The following AOPEP variants were observed in gnomAD, a reference collection of about 807,000 sequenced individuals.
AOPEP encodes the protein aminopeptidase O (putative), also known as aminopeptidase O.
AOPEP carries 77 observed loss-of-function variants against 98.1 expected under a neutral mutation model. That is an observed-to-expected ratio of 0.78 (90% CI 0.65 to 0.95). The LOEUF is 0.95. Ranked by LOEUF, AOPEP falls within the 40% of genes least tolerant of loss-of-function variation. The probability of loss-of-function intolerance (pLI) is 0.00; values close to 1 mark genes in which losing one functional copy is unlikely to be tolerated. For synonymous variants in AOPEP, 346 were observed against 365.3 expected, an observed-to-expected ratio of 0.95 and a Z score of 0.60; for missense variants, 1,024 against 1,024.7, an observed-to-expected ratio of 1.00 and a Z score of 0.01.
chr9:94,798,740 A>G (rs1847587295), intron 4 of AOPEP, among the ~76,000 whole-genome samples: 1 of 152,254 alleles, frequency 6.6e-6, no homozygotes, highest in Admixed American at 6.5e-5. Context: ...AGCACATTAT[A>G]TACCTGTGTA....
intron 5 of AOPEP, among the ~76,000 whole-genome samples, chr9:94,921,046 G>GA (rs2053537074): frequency 7.1e-6 from 1 of 140,444 alleles, no homozygotes; most frequent in Non-Finnish European, 1.5e-5. Flanking sequence ...TCTTATTTGG[G>GA]AAAAATAATC....
chr9:94,927,941 C>T (rs977329030), intron 6 of AOPEP, among the ~76,000 whole-genome samples: 67 of 152,288 alleles, frequency 4.4e-4, no homozygotes, highest in African/African-American at 1.6e-3. Flanking sequence ...AGAGTGAGTC[C>T]AGGCAGCACT....
At chr9:94,871,274 A>G (rs565911068) in intron 5 of AOPEP, among the ~76,000 whole-genome samples, 56 of 152,338 alleles carry the variant, frequency 3.7e-4, no homozygotes, top group African/African-American at 1.2e-3. Flanking sequence ...TGATCACTTT[A>G]TCTACAGGCC....
intron 5 of AOPEP, among the ~76,000 whole-genome samples, chr9:94,821,271 A>G (rs1349854747): frequency 6.6e-6 from 1 of 152,102 alleles, no homozygotes; most frequent in Non-Finnish European, 1.5e-5. Flanking sequence ...TAGAGCGTTC[A>G]CCCCACAGTT....
the AOPEP span, among the ~76,000 whole-genome samples, chr9:95,103,469 A>G: frequency 2.0e-5 from 3 of 152,056 alleles, no homozygotes; most frequent in African/African-American, 2.4e-5. Flanking sequence ...AGGAGGCAGG[A>G]GAAGGAGAAG....
chr9:94,861,700 C>A (rs1018129603), intron 5 of AOPEP, among the ~76,000 whole-genome samples: 1 of 152,198 alleles, frequency 6.6e-6, no homozygotes, highest in African/African-American at 2.4e-5. Flanking sequence ...ATGTTATTTA[C>A]TGTTCCCAAC....
At chr9:94,853,527 A>G (rs372636351) in intron 5 of AOPEP, among the ~76,000 whole-genome samples, 3 of 152,192 alleles carry the variant, frequency 2.0e-5, no homozygotes, top group Admixed American at 1.3e-4. Flanking sequence ...CTGTCCTTTT[A>G]TCAGATGGTG....
At chr9:94,791,381 T>C (rs1292080724) in intron 3 of AOPEP, among the ~76,000 whole-genome samples, 1 of 151,780 alleles carries the variant, frequency 6.6e-6, no homozygotes, top group Non-Finnish European at 1.5e-5. Flanking sequence ...AAAAACTACC[T>C]ATCAGGCTGG....
chr9:95,076,832 G>C (rs2134163298), intron 14 of AOPEP, among the ~76,000 whole-genome samples: 1 of 152,290 alleles, frequency 6.6e-6, no homozygotes, highest in African/African-American at 2.4e-5. Context: ...ACTTGTTTTG[G>C]GGTGTGATTC....
the AOPEP span, among the ~76,000 whole-genome samples, chr9:95,092,780 C>T: frequency 6.6e-6 from 1 of 152,156 alleles, no homozygotes; most frequent in Non-Finnish European, 1.5e-5. Context: ...CTTGCCACAA[C>T]GAGGTCTGAC....
chr9:95,041,444 G>GTGT (rs1564560850), intron 13 of AOPEP, among the ~76,000 whole-genome samples: 3 of 144,322 alleles, frequency 2.1e-5, no homozygotes, highest in Admixed American at 6.8e-5. Context: ...AGAGTCCTTG[G>GTGT]GGGTGTGTGT....
the AOPEP span, among the ~76,000 whole-genome samples, chr9:95,129,050 G>A: frequency 2.6e-5 from 4 of 151,720 alleles, no homozygotes; most frequent in East Asian, 1.9e-4. Context: ...TTACAGGCAC[G>A]TGCCACCACA....
At chr9:94,844,308 C>T (rs10993366) in intron 5 of AOPEP, among the ~76,000 whole-genome samples, 65,488 of 151,962 alleles carry the variant, frequency 0.43, 14,322 homozygotes, top group East Asian at 0.51. Flanking sequence ...AGAAGCCCCC[C>T]ATACCCTTTT....
chr9:94,962,967 A>G (rs1444843860), intron 9 of AOPEP, among the ~76,000 whole-genome samples: 1 of 151,860 alleles, frequency 6.6e-6, no homozygotes, highest in Non-Finnish European at 1.5e-5. Flanking sequence ...GATGGTCTCG[A>G]CCTCCTGACC....
At chr9:94,945,731 T>C (rs978229969) in intron 7 of AOPEP, among the ~76,000 whole-genome samples, 10 of 152,220 alleles carry the variant, frequency 6.6e-5, no homozygotes, top group Admixed American at 2.6e-4. Context: ...GCACTGCACA[T>C]GCTGTTGGTG....
intron 13 of AOPEP, among the ~76,000 whole-genome samples, chr9:95,045,339 C>T (rs1314691845): frequency 1.3e-5 from 2 of 152,224 alleles, no homozygotes; most frequent in East Asian, 1.9e-4. Flanking sequence ...GGCTGGGGCG[C>T]GCCCCTGCAC....
At chr9:94,910,513 T>A (rs373466509) in intron 5 of AOPEP, among the ~76,000 whole-genome samples, 1 of 152,250 alleles carries the variant, frequency 6.6e-6, no homozygotes, top group African/African-American at 2.4e-5. Context: ...GTCTCCCTGC[T>A]GTGGGCACGC....
chr9:95,150,055 C>A, the AOPEP span: 1 of 1,614,012 alleles, frequency 6.2e-7, no homozygotes, highest in East Asian at 2.2e-5. Flanking sequence ...GACACAAACT[C>A]GTGACAGGGA....
At chr9:95,147,271 A>T in the AOPEP span, among the ~76,000 whole-genome samples, 1 of 152,152 alleles carries the variant, frequency 6.6e-6, no homozygotes. Flanking sequence ...TAATCCCAGC[A>T]CTTTGGGAGG....
Sources: gnomAD v4.1 joint callset for allele counts (sites outside exome capture counted in the v4.1 genomes callset) on GRCh38, gnomAD v4.1.1 for gene constraint, MANE v1.5 for transcripts, NCBI Gene and HGNC (gene_info 2026-07-23, HGNC 2026-07-21) for gene names.